HGSNAT: variants seen among roughly 807,000 people sequenced by gnomAD.
The protein encoded by HGSNAT is heparan-alpha-glucosaminide N-acetyltransferase.
In HGSNAT, 59 loss-of-function variants were observed where a neutral mutation model predicts 85.2. The observed-to-expected ratio is 0.69, with a 90% CI of 0.56 to 0.86. The LOEUF is 0.86. Among genes scored for constraint, HGSNAT ranks in the 40% least tolerant of loss-of-function variants. The probability of loss-of-function intolerance (pLI) is 0.00; values close to 1 mark genes in which losing one functional copy is unlikely to be tolerated. For missense variants in HGSNAT, 756 were observed against 777.1 expected, an observed-to-expected ratio of 0.97 and a Z score of 0.32; for synonymous variants, 321 against 304.5, an observed-to-expected ratio of 1.05 and a Z score of -0.56.
In HGSNAT at chr8:43,169,191, T is replaced by C. The variant is rs1168240288; in HGVS notation, c.582T>C (p.Asn194=). 6.4e-7 allele frequency: 1 copy of C among 1,573,936 alleles called. No homozygotes were observed. The highest frequency in any genetic ancestry group is 8.6e-7 in the Non-Finnish European group (1 of 1,159,462). Residue 194 remains asparagine (N), a synonymous_variant, in exon 6 of 18, where the codon AAT becomes AAC. Coordinates refer to ENST00000379644, the MANE Select transcript of HGSNAT (RefSeq NM_152419.3). ...RLLLSLDDFN[N]WISKAISSRE... ...TTTTCAGTTTGGATGACTTTAACAA[T>C]TGGATTTCTAAAGCCATAAGTTCTC... is the stretch of plus-strand genomic sequence containing the variant.
chr8:43,172,880 G>C (rs1351285757), intron 8 of HGSNAT, among the ~76,000 whole-genome samples: 1 of 152,146 alleles, frequency 6.6e-6, no homozygotes, highest in African/African-American at 2.4e-5. Context: ...TAACAAACGT[G>C]TCTACATATT....
chr8:43,192,505 A>C (rs1325617497), intron 13 of HGSNAT, 75 bp downstream of exon 13: 2 of 1,484,188 alleles, frequency 1.3e-6, no homozygotes, highest in Non-Finnish European at 1.8e-6. Context: ...AGAGCCAGCA[A>C]ACGTTAAACC....
chr8:43,162,720 G>A (rs1202338759), intron 5 of HGSNAT, among the ~76,000 whole-genome samples: 1 of 150,966 alleles, frequency 6.6e-6, no homozygotes, highest in African/African-American at 2.4e-5. Context: ...CCTGGCTAAT[G>A]GTTTTTTTTT....
chr8:43,146,156 T>C (rs1200460894), intron 1 of HGSNAT, among the ~76,000 whole-genome samples: 3 of 152,068 alleles, frequency 2.0e-5, no homozygotes, highest in Non-Finnish European at 4.4e-5. Context: ...ATGCTCCCAA[T>C]CCAGGATTCA....
intron 2 of HGSNAT, among the ~76,000 whole-genome samples, chr8:43,148,347 T>C (rs1802780493): frequency 6.6e-6 from 1 of 151,374 alleles, no homozygotes; most frequent in Non-Finnish European, 1.5e-5. Context: ...TTATATTAAA[T>C]TTATATTAAA....
At position 43,158,628 on chromosome 8, in the gene HGSNAT, T is replaced by C. The variant is rs755833800; in HGVS notation, c.288T>C (p.Pro96=). The change falls in exon 3 of 18, where the codon CCT becomes CCC. Residue 96 remains proline (P), a synonymous_variant. Coordinates refer to ENST00000379644, the MANE Select transcript of HGSNAT (RefSeq NM_152419.3). ...CTCAGAGTCCAAAAGCAGGGAAGCC[T>C]AGTGCTGCAGCTGCCTCTGTCAGCA... is the stretch of plus-strand genomic sequence containing the variant. ...NVPQSPKAGK[P]SAAAASVSTQ... is the part of the protein sequence containing the mutation. The C allele has an allele frequency of 1.1e-5, 17 of 1,613,856 alleles. No homozygotes were observed. The highest frequency in any genetic ancestry group is 1.2e-5 in the Non-Finnish European group (14 of 1,179,860).
At chr8:43,146,616 C>G (rs1289552033) in intron 1 of HGSNAT, among the ~76,000 whole-genome samples, 1 of 152,188 alleles carries the variant, frequency 6.6e-6, no homozygotes, top group African/African-American at 2.4e-5. Context: ...CATGTCACAT[C>G]TTAGCACTCG....
intron 9 of HGSNAT, among the ~76,000 whole-genome samples, chr8:43,176,981 A>G (rs1414734022): frequency 2.0e-5 from 3 of 152,190 alleles, no homozygotes; most frequent in Non-Finnish European, 4.4e-5. Flanking sequence ...AGATCACGTT[A>G]TCTGCAAACA....
chr8:43,164,706 A>G (rs1803376771), intron 5 of HGSNAT, among the ~76,000 whole-genome samples: 1 of 152,154 alleles, frequency 6.6e-6, no homozygotes, highest in African/African-American at 2.4e-5. Flanking sequence ...GCTGGAACCC[A>G]GGAAGTGGAG....
At chr8:43,173,844 G>A (rs920744461) in intron 9 of HGSNAT, 101 bp downstream of exon 9, 17 of 1,293,612 alleles carry the variant, frequency 1.3e-5, no homozygotes, top group Non-Finnish European at 1.8e-5. Context: ...CATGTGTTAT[G>A]TGGTTAGGAA....
At chr8:43,162,038 G>A (rs73675461) in intron 5 of HGSNAT, among the ~76,000 whole-genome samples, 3,651 of 152,342 alleles carry the variant, frequency 0.024, 141 homozygotes, top group African/African-American at 0.082. Flanking sequence ...CCTGCTCTGC[G>A]TGGTGAATAG....
intron 1 of HGSNAT, among the ~76,000 whole-genome samples, chr8:43,144,597 C>G (rs1802656055): frequency 6.6e-6 from 1 of 152,164 alleles, no homozygotes; most frequent in African/African-American, 2.4e-5. Flanking sequence ...CTATGTCATA[C>G]TCCAGGTCCC....
At chr8:43,198,356 C>T (rs561270226) in intron 17 of HGSNAT, among the ~76,000 whole-genome samples, 4 of 135,428 alleles carry the variant, frequency 3.0e-5, no homozygotes, top group South Asian at 4.7e-4. Flanking sequence ...GGTGTGATCT[C>T]GGCTCACTGC....
In HGSNAT at chr8:43,163,169, C is replaced by T. The variant is rs191985508; in HGVS notation, c.563+1662C>T. Among the ~76,000 whole-genome samples the T allele has an allele frequency of 5.9e-5, 9 of 152,040 alleles. No individual in the cohort carries two copies. The South Asian group carries it at 8.3e-4, about 14-fold the overall frequency. On this transcript the variant is annotated intron_variant, in intron 5 of 17. Transcript: ENST00000379644. ...GATCTGAGATTGTGCCACTGCATTC[C>T]GGCCGGGGACTCTCAAGAAAAAAAA...
chr8:43,144,619 C>G (rs770574115), intron 1 of HGSNAT, among the ~76,000 whole-genome samples: 1 of 152,138 alleles, frequency 6.6e-6, no homozygotes, highest in East Asian at 1.9e-4. Context: ...AACATCGCTT[C>G]CACTGAAAGC....
intron 10 of HGSNAT, 108 bp from the exon 11 acceptor site, chr8:43,182,037 C>A (rs1378913017): frequency 3.6e-6 from 3 of 829,686 alleles, no homozygotes; most frequent in Non-Finnish European, 6.2e-6. Context: ...AAAAGACTTA[C>A]TTAGATGCAA....
chr8:43,183,572 G>A (rs570302511), intron 11 of HGSNAT, among the ~76,000 whole-genome samples: 6 of 151,770 alleles, frequency 4.0e-5, no homozygotes, highest in East Asian at 1.9e-4. Context: ...CTGGGTTCAC[G>A]CCGTTCTCCT....
intron 2 of HGSNAT, among the ~76,000 whole-genome samples, chr8:43,148,747 C>G (rs1177486718): frequency 2.7e-5 from 4 of 147,808 alleles, no homozygotes; most frequent in Non-Finnish European, 5.9e-5. Flanking sequence ...GAGCCGAGAT[C>G]GCACCATTGC....
chr8:43,186,260 T>G (rs1348759733), intron 11 of HGSNAT, among the ~76,000 whole-genome samples: 2 of 152,220 alleles, frequency 1.3e-5, no homozygotes, highest in Non-Finnish European at 2.9e-5. Flanking sequence ...TGTGAATCCA[T>G]CTGGTGCTGG....
Sources: gnomAD v4.1 joint callset for allele counts (sites outside exome capture counted in the v4.1 genomes callset) on GRCh38, gnomAD v4.1.1 for gene constraint, MANE v1.5 for transcripts, NCBI Gene and HGNC (gene_info 2026-07-23, HGNC 2026-07-21) for gene names.